MTHFD1L: variants seen among roughly 807,000 people sequenced by gnomAD.
The protein encoded by MTHFD1L is monofunctional C1-tetrahydrofolate synthase, mitochondrial.
Under a neutral mutation model 119.5 loss-of-function variants are expected in MTHFD1L, and 81 were observed. The ratio of observed to expected loss-of-function variants is 0.68; its 90% CI spans 0.57 to 0.82. MTHFD1L has a LOEUF of 0.82. MTHFD1L is among the 40% of genes least tolerant of loss of function. MTHFD1L has a pLI of 0.00. For synonymous variants in MTHFD1L, 430 were observed against 475.2 expected (o/e 0.90, Z 1.24); for missense variants, 1,125 against 1,253.4 (o/e 0.90, Z 1.55).
At chr6:150,893,750 C>T (rs571317560) in intron 7 of MTHFD1L, among the ~76,000 whole-genome samples, 1 of 152,232 alleles carries the variant, frequency 6.6e-6, no homozygotes, top group South Asian at 2.1e-4. Flanking sequence ...AGGCAGCCTG[C>T]TGCAACCACT....
chr6:151,015,227 T>TTTTTTTTG (rs1491186340), intron 23 of MTHFD1L, among the ~76,000 whole-genome samples: 2 of 142,550 alleles, frequency 1.4e-5, no homozygotes, highest in African/African-American at 5.5e-5. Context: ...TTTTTTTTTT[T>TTTTTTTTG]TAATTCTACC....
intron 20 of MTHFD1L, among the ~76,000 whole-genome samples, chr6:150,995,258 G>A (rs1779664237): frequency 6.6e-6 from 1 of 152,132 alleles, no homozygotes; most frequent in African/African-American, 2.4e-5. Context: ...GCTCACGCCT[G>A]TATCCCAGCA....
chr6:151,074,625 AAAAC>A (rs1437537443), intron 26 of MTHFD1L, among the ~76,000 whole-genome samples: 2 of 152,232 alleles, frequency 1.3e-5, no homozygotes, highest in South Asian at 2.1e-4. Context: ...GTTTTGGTCA[AAAAC>A]AAACCGTGTA....
intron 18 of MTHFD1L, among the ~76,000 whole-genome samples, chr6:150,963,482 A>G (rs1223892594): frequency 6.7e-6 from 1 of 149,712 alleles, no homozygotes; most frequent in African/African-American, 2.4e-5. Context: ...CAATAAATAC[A>G]TACAGTTTTA....
chr6:150,934,895 T>G, intron 11 of MTHFD1L: 4 of 1,497,218 alleles, frequency 2.7e-6, no homozygotes, highest in Non-Finnish European at 3.6e-6. Context: ...TATAGCTGGA[T>G]CAGCTACCAA....
At chr6:150,872,384 C>T (rs1385754619) in intron 1 of MTHFD1L, among the ~76,000 whole-genome samples, 1 of 152,152 alleles carries the variant, frequency 6.6e-6, no homozygotes, top group African/African-American at 2.4e-5. Context: ...CAACTCTTCA[C>T]TTGAACACTT....
chr6:151,033,493 T>A (rs1024327202), intron 24 of MTHFD1L, among the ~76,000 whole-genome samples: 1 of 152,196 alleles, frequency 6.6e-6, no homozygotes, highest in Non-Finnish European at 1.5e-5. Context: ...AGAATTACTT[T>A]ATCTGTGGAA....
At chr6:150,873,186 G>A (rs930225847) in intron 1 of MTHFD1L, among the ~76,000 whole-genome samples, 5 of 152,028 alleles carry the variant, frequency 3.3e-5, no homozygotes, top group African/African-American at 9.7e-5. Context: ...GTGGTGGCAT[G>A]CACCAGTAGT....
chr6:150,954,854 T>G (rs1349344701), intron 16 of MTHFD1L, among the ~76,000 whole-genome samples: 1 of 151,738 alleles, frequency 6.6e-6, no homozygotes, highest in East Asian at 1.9e-4. Flanking sequence ...TAGGTGACCC[T>G]CCCGCCTCAG....
At chr6:151,058,478 C>T (rs534813727) in intron 26 of MTHFD1L, among the ~76,000 whole-genome samples, 1 of 152,342 alleles carries the variant, frequency 6.6e-6, no homozygotes, top group East Asian at 1.9e-4. Flanking sequence ...TGACAGCCAG[C>T]CAGAATTAAT....
intron 16 of MTHFD1L, among the ~76,000 whole-genome samples, chr6:150,950,019 A>G (rs954549442): frequency 2.6e-5 from 4 of 152,112 alleles, no homozygotes; most frequent in African/African-American, 9.7e-5. Context: ...TTACCTCTTT[A>G]TGCTCACATT....
intron 9 of MTHFD1L, among the ~76,000 whole-genome samples, chr6:150,920,842 A>G (rs1054949239): frequency 1.3e-4 from 20 of 151,968 alleles, no homozygotes; most frequent in African/African-American, 4.8e-4. Context: ...GCACGATCTC[A>G]GCTCACTGCA....
intron 25 of MTHFD1L, among the ~76,000 whole-genome samples, chr6:151,036,233 T>A (rs139853194): frequency 6.6e-6 from 1 of 152,186 alleles, no homozygotes; most frequent in Non-Finnish European, 1.5e-5. Flanking sequence ...CTGGGCAACA[T>A]AGCAAAACCT....
chr6:150,895,602 G>C (rs1423042687), intron 7 of MTHFD1L, among the ~76,000 whole-genome samples: 1 of 131,252 alleles, frequency 7.6e-6, no homozygotes, highest in Non-Finnish European at 1.6e-5. Context: ...AAGTGTCTAG[G>C]GTTTTTTGTG....
At chr6:151,049,167 C>A (rs917320998) in intron 26 of MTHFD1L, among the ~76,000 whole-genome samples, 1 of 152,162 alleles carries the variant, frequency 6.6e-6, no homozygotes, top group African/African-American at 2.4e-5. Flanking sequence ...ACCAGCCTGG[C>A]CAACATGGTG....
At chr6:151,093,940 G>A (rs376715319) in intron 27 of MTHFD1L, among the ~76,000 whole-genome samples, 21 of 152,198 alleles carry the variant, frequency 1.4e-4, no homozygotes, top group African/African-American at 3.6e-4. Flanking sequence ...CCCAGACCTG[G>A]GGACTCTCGG....
chr6:151,024,518 A>T (rs965057146), intron 24 of MTHFD1L, among the ~76,000 whole-genome samples: 5 of 151,746 alleles, frequency 3.3e-5, no homozygotes, highest in Admixed American at 3.3e-4. Context: ...ATTCCAGCCT[A>T]AGCAACAGAG....
rs540912008 is a variant in MTHFD1L, at chr6:151,040,577, G to A, written c.2847+3460G>A. On this transcript the variant is annotated intron_variant, in intron 26 of 27. Coordinates refer to ENST00000367321, the MANE Select transcript of MTHFD1L (RefSeq NM_015440.5). ...AAAAATTAGCCAGGAGTCATGGCAC[G>A]CACCTGGAGTCCCAGCTACTCAGGA... Among the ~76,000 whole-genome samples the A allele has an allele frequency of 7.9e-5, 12 of 152,158 alleles. No homozygotes were observed. The East Asian group carries it at 1.4e-3, about 17-fold the overall frequency.
At position 150,942,855 on chromosome 6, in the gene MTHFD1L, A is replaced by T. The variant is rs576181529; in HGVS notation, c.1441-1631A>T. Among the ~76,000 whole-genome samples, 48 of 152,340 alleles carry T rather than the reference A, an allele frequency of 3.2e-4. 1 individual carries two copies. The highest frequency in any genetic ancestry group is 3.0e-3 in the Admixed American group (46 of 15,300). On this transcript the variant is annotated intron_variant, in intron 13 of 27. Transcript: ENST00000367321. ...AGAAATTAAGGAAATGCAGCTTTAAAAAGAATAACACTTTCTCAACTATTA... is the reference window on the plus strand; with the variant it reads ...AGAAATTAAGGAAATGCAGCTTTAATAAGAATAACACTTTCTCAACTATTA...
Sources: allele counts gnomAD v4.1 joint callset (sites outside exome capture counted in the v4.1 genomes callset), GRCh38; gene constraint gnomAD v4.1.1; transcripts MANE v1.5; gene names NCBI Gene and HGNC (gene_info 2026-07-23, HGNC 2026-07-21).